Variants in UEVLD observed in about 807,000 individuals in gnomAD.
UEVLD encodes ubiquitin-conjugating enzyme E2 variant 3.
Under a neutral mutation model 58.6 loss-of-function variants are expected in UEVLD, and 47 were observed. That is an observed-to-expected ratio of 0.80 (90% confidence interval 0.63 to 1.02). The LOEUF (loss-of-function observed/expected upper bound fraction) is 1.02, where lower values mean the gene tolerates loss of function less well. Ranked by LOEUF, UEVLD falls within the 50% of genes least tolerant of loss-of-function variation. The pLI, the probability that UEVLD is intolerant of heterozygous loss-of-function variation, is 0.00. For synonymous variants in UEVLD, 197 were observed against 195.3 expected (o/e 1.01, Z -0.07); for missense variants, 510 against 550.6 (o/e 0.93, Z 0.74).
intron 7 of UEVLD, among the ~76,000 whole-genome samples, chr11:18,556,666 C>CT (rs1471427326): frequency 2.0e-5 from 3 of 151,862 alleles, no homozygotes. Flanking sequence ...GGCCTTTTTT[C>CT]TTTTTTTTGG....
chr11:18,581,457 G>A (rs11024721), intron 1 of UEVLD, among the ~76,000 whole-genome samples: 9,129 of 152,164 alleles, frequency 0.06, 437 homozygotes, highest in South Asian at 0.18. Flanking sequence ...GCCAAGGCAG[G>A]CAAATCACTT....
chr11:18,534,897 T>TA (rs1242380860), intron 10 of UEVLD, among the ~76,000 whole-genome samples: 1 of 152,348 alleles, frequency 6.6e-6, no homozygotes, highest in Middle Eastern at 3.4e-3. Flanking sequence ...GCATTTATCT[T>TA]ACAGCAGTAT....
intron 6 of UEVLD, among the ~76,000 whole-genome samples, chr11:18,562,553 A>T (rs1852092541): frequency 6.6e-6 from 1 of 151,878 alleles, no homozygotes; most frequent in South Asian, 2.1e-4. Context: ...AAAGAAAAAA[A>T]AAAAAATTTT....
chr11:18,533,062 C>CTTTTTTTTTT (rs530237376), intron 11 of UEVLD, among the ~76,000 whole-genome samples: 2 of 133,962 alleles, frequency 1.5e-5, no homozygotes, highest in East Asian at 2.6e-4. Flanking sequence ...CTTTTCTTTT[C>CTTTTTTTTTT]TTTTTTTTTT....
At chr11:18,558,095 A>G (rs1288719209) in intron 7 of UEVLD, 133 bp downstream of exon 7, 2 of 560,690 alleles carry the variant, frequency 3.6e-6, no homozygotes, top group Non-Finnish European at 6.0e-6. Flanking sequence ...AACTTATTTC[A>G]ATCTTAGTTT....
In UEVLD at chr11:18,564,917, G is replaced by GC; in HGVS notation, c.586dup (p.Ala196GlyfsTer25). Reference sequence around the variant, plus strand: ...CTTTGCTGAAATTGCTAATGTGCAGGCAATACCGAGTTCTCCACCTCCAAC... The same window carrying GC: ...CTTTGCTGAAATTGCTAATGTGCAGGCCAATACCGAGTTCTCCACCTCCAAC... On this transcript the variant is annotated frameshift_variant, in exon 6 of 12. Transcript: ENST00000396197. LOFTEE classifies it high-confidence loss of function. 2 of 1,611,812 alleles carry GC rather than the reference G, an allele frequency of 1.2e-6. No individual in the cohort carries two copies. Among genetic ancestry groups the GC allele is most frequent in the Non-Finnish European group, 1.7e-6 (2 of 1,178,718 alleles).
Position 18,536,403 on chromosome 11 carries a change from T to TA in UEVLD, c.1124+2dup, listed in dbSNP as rs766114506. The TA allele has an allele frequency of 6.2e-7, 1 of 1,613,616 alleles. No homozygotes were observed. The highest frequency in any genetic ancestry group is 1.1e-5 in the South Asian group (1 of 91,070). ...ATAAATGCAAATTTCCAGTCAGTGT[T>TA]ACCTGTTGGACAGCTGCACTTGAGA... is the stretch of plus-strand genomic sequence containing the variant. On this transcript the variant is annotated splice_region_variant and intron_variant, in intron 10 of 11. Coordinates refer to ENST00000396197, the MANE Select transcript of UEVLD (RefSeq NM_001040697.4).
chr11:18,560,164 T>C (rs139127013), intron 6 of UEVLD, among the ~76,000 whole-genome samples: 1,167 of 100,372 alleles, frequency 0.012, 10 homozygotes, highest in Non-Finnish European at 0.018. Flanking sequence ...ATAACCCTGC[T>C]ACACTATGTA....
intron 3 of UEVLD, among the ~76,000 whole-genome samples, chr11:18,571,126 A>G (rs946176837): frequency 3.3e-5 from 5 of 152,104 alleles, no homozygotes; most frequent in African/African-American, 1.2e-4. Context: ...TGGGTTGACC[A>G]CTTGAGGTCA....
chr11:18,543,027 G>A (rs1429158476), intron 9 of UEVLD, among the ~76,000 whole-genome samples: 1 of 151,786 alleles, frequency 6.6e-6, no homozygotes, highest in Non-Finnish European at 1.5e-5. Flanking sequence ...TGAGTAGCTG[G>A]GACTACAGGC....
chr11:18,559,412 T>C (rs1487246959), intron 6 of UEVLD, among the ~76,000 whole-genome samples: 4 of 152,082 alleles, frequency 2.6e-5, no homozygotes, highest in Non-Finnish European at 4.4e-5. Flanking sequence ...TTGGCTAGGC[T>C]GGTCTCGAAC....
At chr11:18,588,546 G>A in intron 1 of UEVLD, 67 bp downstream of exon 1, 1 of 1,572,666 alleles carries the variant, frequency 6.4e-7, no homozygotes, top group Non-Finnish European at 8.6e-7. Context: ...GAGGCAACCT[G>A]GCCAAAGGCA....
At chr11:18,569,005 C>G (rs1565133401) in intron 4 of UEVLD, among the ~76,000 whole-genome samples, 1 of 152,260 alleles carries the variant, frequency 6.6e-6, no homozygotes, top group Middle Eastern at 3.4e-3. Context: ...CACCATTCTA[C>G]TGCCTCAGCC....
At chr11:18,541,031 G>C (rs1173194347) in intron 9 of UEVLD, among the ~76,000 whole-genome samples, 1 of 152,172 alleles carries the variant, frequency 6.6e-6, no homozygotes, top group Non-Finnish European at 1.5e-5. Flanking sequence ...CCTCTGAAGA[G>C]CTCACAATTA....
In UEVLD at chr11:18,566,374, G is replaced by T. The variant is rs760186334; in HGVS notation, c.466C>A (p.Leu156Ile). ...SSDEARQVDLLAYIAKITEGV... is the reference protein window; with the variant it reads ...SSDEARQVDLIAYIAKITEGV... ...TCAGTGATTTTTGCAATATAGGCTA[G>T]CAAGTCTACCTGCCGTGCCTCATCA... is the stretch of plus-strand genomic sequence containing the variant. The change falls in exon 5 of 12, where the codon CTA becomes ATA. Residue 156 changes from leucine to isoleucine, a missense_variant. Coordinates refer to ENST00000396197, the MANE Select transcript of UEVLD (RefSeq NM_001040697.4). 3 of 1,614,058 alleles carry T rather than the reference G, an allele frequency of 1.9e-6. No homozygotes were observed. Among genetic ancestry groups the T allele is most frequent in the East Asian group, 4.5e-5 (2 of 44,868 alleles).
intron 10 of UEVLD, among the ~76,000 whole-genome samples, chr11:18,534,929 CATA>C (rs1850727098): frequency 6.6e-6 from 1 of 152,126 alleles, no homozygotes; most frequent in Admixed American, 6.6e-5. Context: ...CAAAGATGTA[CATA>C]ATAAGCATGT....
At chr11:18,545,659 G>A (rs952872695) in intron 8 of UEVLD, among the ~76,000 whole-genome samples, 1 of 150,480 alleles carries the variant, frequency 6.6e-6, no homozygotes, top group African/African-American at 2.4e-5. Context: ...TGGCCAGGCT[G>A]GTCTCAAACT....
chr11:18,551,065 A>C (rs536108954), intron 7 of UEVLD, among the ~76,000 whole-genome samples: 1 of 152,330 alleles, frequency 6.6e-6, no homozygotes, highest in African/African-American at 2.4e-5. Context: ...AGGGAAGAAG[A>C]TTATACAGTT....
At chr11:18,583,745 T>G (rs920742829) in intron 1 of UEVLD, among the ~76,000 whole-genome samples, 41 of 144,796 alleles carry the variant, frequency 2.8e-4, no homozygotes, top group Non-Finnish European at 7.5e-5. Context: ...CACCGCAACC[T>G]GCACTGCCCA....
Sources: allele counts gnomAD v4.1 joint callset (sites outside exome capture counted in the v4.1 genomes callset), GRCh38; gene constraint gnomAD v4.1.1; transcripts MANE v1.5; gene names NCBI Gene and HGNC (gene_info 2026-07-23, HGNC 2026-07-21).